OR3A2: variants seen among roughly 807,000 people sequenced by gnomAD.
OR3A2 encodes olfactory receptor family 3 subfamily A member 2.
For synonymous variants in OR3A2, 126 were observed against 159.3 expected (o/e 0.79, Z 1.57); for missense variants, 318 against 392.8 (o/e 0.81, Z 1.61).
rs192954752 is a variant in OR3A2 at position 3,368,213 on chromosome 17, C to T, written c.-179+15591G>A. ...TGTTTACTCTGCTGATTATTTCTTTCGCGGTGCATAAGCTTTTTAGTTTAA... is the reference window on the plus strand; with the variant it reads ...TGTTTACTCTGCTGATTATTTCTTTTGCGGTGCATAAGCTTTTTAGTTTAA... On this transcript the variant is annotated intron_variant, in intron 2 of 4. Coordinates refer to the OR3A2 transcript ENST00000573491. Among the ~76,000 whole-genome samples, 281 of 152,188 alleles carry T rather than the reference C, an allele frequency of 1.8e-3. 1 individual carries two copies. The highest frequency in any genetic ancestry group is 5.8e-3 in the African/African-American group (241 of 41,524).
intron 3 of OR3A2, among the ~76,000 whole-genome samples, chr17:3,324,686 C>A (rs562740428): frequency 6.6e-6 from 1 of 152,048 alleles, no homozygotes; most frequent in Non-Finnish European, 1.5e-5. Context: ...TTTGGTGAAC[C>A]GCAAATGCTG....
At chr17:3,281,236 T>C (rs2048774782) in intron 1 of OR3A2, among the ~76,000 whole-genome samples, 1 of 84,772 alleles carries the variant, frequency 1.2e-5, no homozygotes, top group South Asian at 4.2e-4. Flanking sequence ...GGCATCAGGA[T>C]TTTTTTTTTT....
intron 2 of OR3A2, among the ~76,000 whole-genome samples, chr17:3,363,515 G>T (rs1461465546): frequency 6.6e-6 from 1 of 151,678 alleles, no homozygotes; most frequent in East Asian, 1.9e-4. Context: ...CAGCATTTCG[G>T]TCACAATCAT....
At chr17:3,355,425 C>T (rs1597355881) in intron 2 of OR3A2, among the ~76,000 whole-genome samples, 1 of 91,340 alleles carries the variant, frequency 1.1e-5, no homozygotes, top group East Asian at 3.5e-4. Flanking sequence ...ATCATGTTGG[C>T]ATTTCTCTCT....
At chr17:3,319,331 T>A (rs962521842) in intron 3 of OR3A2, among the ~76,000 whole-genome samples, 6 of 152,170 alleles carry the variant, frequency 3.9e-5, no homozygotes, top group African/African-American at 1.2e-4. Context: ...CTCTTGCTGC[T>A]GCTGCTTTTT....
intron 3 of OR3A2, among the ~76,000 whole-genome samples, chr17:3,290,754 C>T (rs1193872676): frequency 1.4e-5 from 2 of 147,548 alleles, no homozygotes; most frequent in Non-Finnish European, 2.9e-5. Flanking sequence ...TTCAGGGTGA[C>T]TCCTCACCAT....
chr17:3,315,770 A>C (rs1186814858), intron 3 of OR3A2, among the ~76,000 whole-genome samples: 1 of 30,074 alleles, frequency 3.3e-5, no homozygotes, highest in Non-Finnish European at 5.5e-5. Context: ...GGGCGGTAGT[A>C]AGATGAGTAG....
At chr17:3,339,276 C>G (rs1444576882) in intron 2 of OR3A2, among the ~76,000 whole-genome samples, 3 of 152,162 alleles carry the variant, frequency 2.0e-5, no homozygotes, top group Non-Finnish European at 4.4e-5. Context: ...TCCTGCCTGA[C>G]TGCCCTAGCA....
chr17:3,321,386 G>C (rs1411713222), intron 3 of OR3A2, among the ~76,000 whole-genome samples: 2 of 152,152 alleles, frequency 1.3e-5, no homozygotes, highest in East Asian at 1.9e-4. Context: ...TCTCCTGCCT[G>C]ATTGCCCTGG....
chr17:3,347,883 T>C (rs559650207), intron 2 of OR3A2, among the ~76,000 whole-genome samples: 88 of 152,320 alleles, frequency 5.8e-4, no homozygotes, highest in Non-Finnish European at 6.9e-4. Flanking sequence ...TGTTCCTATT[T>C]CTCCACATCC....
At chr17:3,373,109 G>C (rs9914568) in intron 2 of OR3A2, among the ~76,000 whole-genome samples, 2,095 of 152,206 alleles carry the variant, frequency 0.014, 35 homozygotes, top group African/African-American at 0.047. Context: ...AGTTTTGAGG[G>C]TTCCTTTTGG....
At chr17:3,331,616 C>A (rs2049235372) in intron 3 of OR3A2, among the ~76,000 whole-genome samples, 1 of 151,920 alleles carries the variant, frequency 6.6e-6, no homozygotes, top group Non-Finnish European at 1.5e-5. Flanking sequence ...ATACATTCTT[C>A]TAAATTTCTT....
At chr17:3,367,710 C>A (rs577345331) in intron 2 of OR3A2, among the ~76,000 whole-genome samples, 23 of 151,474 alleles carry the variant, frequency 1.5e-4, no homozygotes, top group Admixed American at 1.2e-3. Flanking sequence ...TATAAACATG[C>A]ATGTGCAAGT....
In OR3A2 at chr17:3,311,528, A is replaced by C; in HGVS notation, c.-85+24505T>G. 2.3e-6 allele frequency: 1 copy of C among 433,864 alleles called. No homozygotes were observed. The highest frequency in any genetic ancestry group is 4.7e-6 in the Non-Finnish European group (1 of 214,800). The allele number at this position is 433,864 out of a possible 1,614,324, so 26.9% of individuals were successfully genotyped here. Reference sequence around the variant, plus strand: ...GGCCCTAATGTGGTCAACCACTTCTACTGTGACCTCCCACCTCTTTTCCAG... The same window carrying C: ...GGCCCTAATGTGGTCAACCACTTCTCCTGTGACCTCCCACCTCTTTTCCAG... On this transcript the variant is annotated intron_variant, in intron 3 of 4. Coordinates refer to the OR3A2 transcript ENST00000573491. The surrounding 1 kb of genome is among the most constrained non-coding windows in gnomAD (Gnocchi z 4.6).
chr17:3,372,503 G>A lies in OR3A2; in HGVS notation c.-179+11301C>T, dbSNP rs540103109. 5.1e-3 allele frequency among the ~76,000 whole-genome samples: 770 copies of A among 152,126 alleles called. 3 individuals are homozygous for A. The highest frequency in any genetic ancestry group is 0.018 in the African/African-American group (733 of 41,504). On this transcript the variant is annotated intron_variant, in intron 2 of 4. Transcript: ENST00000573491. ...GGAGGTGGAGGTTGTAGCGAGCTGA[G>A]ATCACGCCACTGCACTCCAGCCTGG... is the stretch of plus-strand genomic sequence containing the variant.
At chr17:3,325,248 G>T (rs369141622) in intron 3 of OR3A2, among the ~76,000 whole-genome samples, 7 of 124,492 alleles carry the variant, frequency 5.6e-5, no homozygotes, top group African/African-American at 2.2e-4. Flanking sequence ...TCGCTCTGTC[G>T]CCCAGACTGG....
intron 3 of OR3A2, among the ~76,000 whole-genome samples, chr17:3,296,061 C>G (rs1285871552): frequency 6.6e-6 from 1 of 152,010 alleles, no homozygotes; most frequent in Non-Finnish European, 1.5e-5. Context: ...CATTGTACAC[C>G]TTCCTTAAAG....
chr17:3,361,810 C>T (rs1158753909), intron 2 of OR3A2, among the ~76,000 whole-genome samples: 5 of 151,464 alleles, frequency 3.3e-5, no homozygotes, highest in Non-Finnish European at 7.4e-5. Flanking sequence ...CTGCTGGATT[C>T]GGTTTGCCAG....
intron 2 of OR3A2, among the ~76,000 whole-genome samples, chr17:3,371,129 G>A (rs989747522): frequency 2.0e-5 from 3 of 151,848 alleles, no homozygotes; most frequent in Non-Finnish European, 4.4e-5. Flanking sequence ...ATGAGCTGTT[G>A]GGTACACCTC....
Sources: allele counts gnomAD v4.1 joint callset (sites outside exome capture counted in the v4.1 genomes callset), GRCh38; gene constraint gnomAD v4.1.1; non-coding constraint Gnocchi (gnomAD v3.1); transcripts MANE v1.5; gene names NCBI Gene and HGNC (gene_info 2026-07-23, HGNC 2026-07-21).